The following RANBP2 variants were observed in gnomAD, a reference collection of about 807,000 sequenced individuals.
The protein encoded by RANBP2 is RAN binding protein 2.
RANBP2 carries 57 observed loss-of-function variants against 303.6 expected under a neutral mutation model. That is an observed-to-expected ratio of 0.19 (90% CI 0.15 to 0.23). The LOEUF (loss-of-function observed/expected upper bound fraction) is 0.23, where lower values mean the gene tolerates loss of function less well. RANBP2 is among the 10% of genes least tolerant of loss of function. RANBP2 has a pLI of 1.00. For missense variants in RANBP2, 3,138 were observed against 3,780.8 expected (o/e 0.83, Z 4.46); for synonymous variants, 1,167 against 1,301.5 (o/e 0.90, Z 2.23).
At chr2:108,833,245 CTT>C in the RANBP2 span, among the ~76,000 whole-genome samples, 18 of 152,222 alleles carry the variant, frequency 1.2e-4, no homozygotes, top group African/African-American at 4.3e-4. Context: ...AAACTATAGA[CTT>C]TAGTTAATCA....
the RANBP2 span, among the ~76,000 whole-genome samples, chr2:109,286,843 C>T: frequency 6.6e-6 from 1 of 152,144 alleles, no homozygotes; most frequent in Non-Finnish European, 1.5e-5. Context: ...TTTCCCAGAT[C>T]CAAACTTCTC....
At chr2:108,822,081 A>C in the RANBP2 span, among the ~76,000 whole-genome samples, 2 of 152,196 alleles carry the variant, frequency 1.3e-5, no homozygotes, top group Non-Finnish European at 2.9e-5. Flanking sequence ...TTAGATCTAA[A>C]GGCACGTATC....
the RANBP2 span, among the ~76,000 whole-genome samples, chr2:108,978,492 G>A: frequency 1.3e-5 from 2 of 152,190 alleles, no homozygotes; most frequent in African/African-American, 4.8e-5. Flanking sequence ...ATTTCTAGAG[G>A]GTAGAGCTCC....
At chr2:109,263,146 G>T in the RANBP2 span, among the ~76,000 whole-genome samples, 2 of 152,066 alleles carry the variant, frequency 1.3e-5, no homozygotes, top group African/African-American at 2.4e-5. Flanking sequence ...ACGCCCAGCC[G>T]CAATCACTTT....
chr2:109,414,035 G>T, the RANBP2 span, among the ~76,000 whole-genome samples: 2 of 152,244 alleles, frequency 1.3e-5, no homozygotes, highest in Non-Finnish European at 2.9e-5. Flanking sequence ...AATGGACAAT[G>T]ACATTCCCTC....
At chr2:109,760,655 G>A in the RANBP2 span, among the ~76,000 whole-genome samples, 2 of 144,208 alleles carry the variant, frequency 1.4e-5, no homozygotes, top group South Asian at 4.4e-4. Context: ...GTCGCAGCGC[G>A]CGGGCGGCCC....
chr2:108,765,381 G>A lies in RANBP2; in HGVS notation c.4842G>A (p.Val1614=), dbSNP rs1488010867. Residue 1614 remains valine (V), a synonymous_variant, in exon 20 of 29, where the codon GTG becomes GTA. Coordinates refer to ENST00000283195, the MANE Select transcript of RANBP2 (RefSeq NM_006267.5). ...TKKEGQWDCS[V]CLVRNEASAT... is the part of the protein sequence containing the mutation. Reference sequence around the variant, plus strand: ...AGGAGGGACAGTGGGATTGCAGTGTGTGCTTAGTAAGAAATGAAGCCAGTG... The same window carrying A: ...AGGAGGGACAGTGGGATTGCAGTGTATGCTTAGTAAGAAATGAAGCCAGTG... 2.4e-6 allele frequency: 3 copies of A among 1,226,294 alleles called. No individual in the cohort carries two copies. The highest frequency in any genetic ancestry group is 2.4e-6 in the Non-Finnish European group (2 of 830,370). 76.0% of individuals were successfully genotyped at this position (1,226,294 alleles called of 1,614,324 possible).
chr2:108,756,441 C>G (rs1302206195), intron 17 of RANBP2, among the ~76,000 whole-genome samples: 2 of 152,304 alleles, frequency 1.3e-5, no homozygotes, highest in Middle Eastern at 6.8e-3. Flanking sequence ...CTAAATTACT[C>G]ATACTGCTAA....
the RANBP2 span, chr2:108,912,554 G>A: frequency 1.2e-6 from 1 of 866,516 alleles, no homozygotes; most frequent in Non-Finnish European, 1.9e-6. Flanking sequence ...ATTACATTAG[G>A]GAGGTGAGGC....
the RANBP2 span, among the ~76,000 whole-genome samples, chr2:109,193,675 C>T: frequency 6.6e-6 from 1 of 152,070 alleles, no homozygotes; most frequent in Non-Finnish European, 1.5e-5. Context: ...TTGTTTCTAC[C>T]TCTACATTTA....
chr2:109,656,165 C>T, the RANBP2 span, among the ~76,000 whole-genome samples: 1 of 152,168 alleles, frequency 6.6e-6, no homozygotes, highest in Non-Finnish European at 1.5e-5. Flanking sequence ...GCACCATGAG[C>T]CACAGCAGGG....
At chr2:108,837,246 G>A in the RANBP2 span, among the ~76,000 whole-genome samples, 1 of 152,122 alleles carries the variant, frequency 6.6e-6, no homozygotes, top group African/African-American at 2.4e-5. Context: ...TATCATGAAA[G>A]GGCGTTGAAT....
At chr2:109,078,126 T>TGCC in the RANBP2 span, among the ~76,000 whole-genome samples, 7 of 112,844 alleles carry the variant, frequency 6.2e-5, no homozygotes, top group Non-Finnish European at 1.2e-4. Context: ...ATAGCGTGTA[T>TGCC]ATATATATAG....
the RANBP2 span, among the ~76,000 whole-genome samples, chr2:109,240,607 G>A: frequency 6.6e-6 from 1 of 152,190 alleles, no homozygotes; most frequent in Non-Finnish European, 1.5e-5. Flanking sequence ...TTTCATTGCT[G>A]CAGTTTCAAA....
chr2:108,892,264 C>T, the RANBP2 span, among the ~76,000 whole-genome samples: 16 of 152,248 alleles, frequency 1.1e-4, no homozygotes, highest in Admixed American at 4.6e-4. Context: ...GCCTGTCTCA[C>T]CCTCCCACCC....
chr2:109,118,440 C>T, the RANBP2 span, among the ~76,000 whole-genome samples: 4 of 151,536 alleles, frequency 2.6e-5, no homozygotes, highest in Admixed American at 6.6e-5. Context: ...ACCCAAACGA[C>T]GGATGAATGA....
the RANBP2 span, among the ~76,000 whole-genome samples, chr2:109,529,358 G>A: frequency 6.6e-6 from 1 of 152,174 alleles, no homozygotes; most frequent in African/African-American, 2.4e-5. Flanking sequence ...AGTGACCAGC[G>A]GTGTCCTGAA....
the RANBP2 span, among the ~76,000 whole-genome samples, chr2:108,818,711 A>G: frequency 6.6e-6 from 1 of 151,980 alleles, no homozygotes; most frequent in East Asian, 1.9e-4. Flanking sequence ...TTGTTATCGG[A>G]CTCTGTTAAC....
the RANBP2 span, among the ~76,000 whole-genome samples, chr2:109,150,235 C>T: frequency 2.0e-5 from 3 of 152,066 alleles, no homozygotes; most frequent in East Asian, 5.8e-4. Context: ...GAAGAGTGTT[C>T]CAGCGGAGGG....
Sources: allele counts gnomAD v4.1 joint callset (sites outside exome capture counted in the v4.1 genomes callset), GRCh38; gene constraint gnomAD v4.1.1; transcripts MANE v1.5; gene names NCBI Gene and HGNC (gene_info 2026-07-23, HGNC 2026-07-21).